CCDC91: variants seen among roughly 807,000 people sequenced by gnomAD.
CCDC91 encodes coiled-coil domain containing 91.
In CCDC91, 48 loss-of-function variants were observed where a neutral mutation model predicts 63.2. That is an observed-to-expected ratio of 0.76 (90% CI 0.60 to 0.97). The LOEUF (loss-of-function observed/expected upper bound fraction) is 0.97. Among genes scored for constraint, CCDC91 ranks in the 50% least tolerant of loss-of-function variants. The pLI, the probability that CCDC91 is intolerant of heterozygous loss-of-function variation, is 0.00. For synonymous variants in CCDC91, 167 were observed against 165.8 expected, an observed-to-expected ratio of 1.01 and a Z score of -0.06; for missense variants, 500 against 494.6, an observed-to-expected ratio of 1.01 and a Z score of -0.10.
intron 12 of CCDC91, among the ~76,000 whole-genome samples, chr12:28,493,671 A>C (rs1952129656): frequency 6.6e-6 from 1 of 151,770 alleles, no homozygotes; most frequent in Admixed American, 6.6e-5. Flanking sequence ...ATTTAAACCT[A>C]ACCTTCAAAA....
intron 11 of CCDC91, among the ~76,000 whole-genome samples, chr12:28,456,562 T>C (rs1950068294): frequency 6.6e-6 from 1 of 152,130 alleles, no homozygotes; most frequent in Admixed American, 6.6e-5. Context: ...TGATAGCGCT[T>C]ATATTTGACA....
intron 6 of CCDC91, among the ~76,000 whole-genome samples, chr12:28,355,296 G>T (rs1177054266): frequency 1.3e-5 from 2 of 152,166 alleles, no homozygotes; most frequent in African/African-American, 4.8e-5. Flanking sequence ...CATTGAAGTA[G>T]CAGTGGGAAC....
At chr12:28,474,191 C>T (rs541156884) in intron 11 of CCDC91, among the ~76,000 whole-genome samples, 246 of 152,216 alleles carry the variant, frequency 1.6e-3, no homozygotes, top group Middle Eastern at 6.8e-3. Context: ...AAATATCACA[C>T]TCCACTCTGC....
chr12:28,248,345 A>G (rs1264803480), intron 1 of CCDC91, among the ~76,000 whole-genome samples: 4 of 152,180 alleles, frequency 2.6e-5, no homozygotes, highest in African/African-American at 9.7e-5. Flanking sequence ...CAGGAAACAC[A>G]TCTAAATTAG....
At chr12:28,329,462 ATATAT>A (rs1203798253) in intron 6 of CCDC91, among the ~76,000 whole-genome samples, 2 of 152,022 alleles carry the variant, frequency 1.3e-5, no homozygotes, top group African/African-American at 4.8e-5. Context: ...ATATACCTAA[ATATAT>A]TATATTTAAT....
chr12:28,401,853 T>A (rs1000576577), intron 8 of CCDC91, among the ~76,000 whole-genome samples: 50 of 152,344 alleles, frequency 3.3e-4, no homozygotes, highest in Admixed American at 1.4e-3. Context: ...GTTTTGTATG[T>A]TTTCCTAGGT....
intron 6 of CCDC91, among the ~76,000 whole-genome samples, chr12:28,351,328 T>A (rs796816990): frequency 1.8e-4 from 27 of 152,190 alleles, no homozygotes; most frequent in African/African-American, 6.3e-4. Context: ...ATTGGAGAAA[T>A]AAAGGAATCA....
chr12:28,399,333 G>C (rs1432420629), intron 8 of CCDC91, among the ~76,000 whole-genome samples: 3 of 152,154 alleles, frequency 2.0e-5, no homozygotes, highest in African/African-American at 7.2e-5. Context: ...ACTATCATGA[G>C]AACAGCATGA....
At chr12:28,381,877 TCA>T (rs1945318096) in intron 7 of CCDC91, among the ~76,000 whole-genome samples, 1 of 152,132 alleles carries the variant, frequency 6.6e-6, no homozygotes, top group African/African-American at 2.4e-5. Flanking sequence ...TCTTCTCAAC[TCA>T]CAGTCAAGGT....
At chr12:28,348,569 C>T (rs1314533039) in intron 6 of CCDC91, among the ~76,000 whole-genome samples, 1 of 152,120 alleles carries the variant, frequency 6.6e-6, no homozygotes, top group Non-Finnish European at 1.5e-5. Flanking sequence ...CTACATGAAC[C>T]TTGAATTATT....
rs1181560652 is a variant in CCDC91, at chr12:28,267,845, T to C, written c.109+8403T>C. ...ATTATTAATATATAATTATATATAA[T>C]TATATAGTAATATATAATTATATAT... On this transcript the variant is annotated intron_variant, in intron 3 of 12. Coordinates refer to ENST00000536442, the MANE Select transcript of CCDC91 (RefSeq NM_018318.5). Among the ~76,000 whole-genome samples, 9 of 19,220 alleles carry C rather than the reference T, an allele frequency of 4.7e-4. 2 individuals carry two copies. The highest frequency in any genetic ancestry group is 1.1e-3 in the African/African-American group (8 of 7,066). 12.6% of individuals were successfully genotyped at this position (19,220 alleles called of 152,430 possible).
chr12:28,478,670 C>G (rs778907817), intron 11 of CCDC91, among the ~76,000 whole-genome samples: 15 of 152,238 alleles, frequency 9.9e-5, no homozygotes, highest in East Asian at 1.9e-4. Flanking sequence ...TCAGAGTGAA[C>G]AGGCAACCTA....
At chr12:28,479,609 A>G (rs113805250) in intron 11 of CCDC91, among the ~76,000 whole-genome samples, 5,244 of 152,230 alleles carry the variant, frequency 0.034, 143 homozygotes, top group South Asian at 0.12. Flanking sequence ...AACTTAAAGT[A>G]TAATAAAAAT....
intron 12 of CCDC91, 33 bp from the exon 13 acceptor site, chr12:28,549,030 C>A: frequency 7.3e-7 from 1 of 1,375,662 alleles, no homozygotes; most frequent in African/African-American, 1.5e-5. Context: ...ATTTTTTTTT[C>A]TCTTTCTCTC....
intron 1 of CCDC91, among the ~76,000 whole-genome samples, chr12:28,230,961 G>A (rs186817256): frequency 7.9e-5 from 12 of 152,244 alleles, no homozygotes; most frequent in Admixed American, 1.3e-4. Flanking sequence ...TTCAAGCTAG[G>A]TTAGCTTTTA....
chr12:28,314,043 G>A (rs774616395), intron 6 of CCDC91, among the ~76,000 whole-genome samples: 19 of 151,880 alleles, frequency 1.3e-4, no homozygotes, highest in African/African-American at 4.1e-4. Context: ...TTTGATAGTC[G>A]TCAGTATTGG....
intron 7 of CCDC91, among the ~76,000 whole-genome samples, chr12:28,369,037 C>G (rs1395824698): frequency 2.0e-5 from 3 of 152,160 alleles, no homozygotes; most frequent in Non-Finnish European, 2.9e-5. Context: ...TCATGTCATT[C>G]TGTCCCTGGC....
intron 6 of CCDC91, among the ~76,000 whole-genome samples, chr12:28,344,187 G>A (rs1380158115): frequency 6.6e-6 from 1 of 152,064 alleles, no homozygotes; most frequent in Non-Finnish European, 1.5e-5. Context: ...ATCCAATGTA[G>A]TCACTAGCAA....
chr12:28,311,106 G>A (rs919102645), intron 6 of CCDC91, among the ~76,000 whole-genome samples: 7 of 151,976 alleles, frequency 4.6e-5, no homozygotes, highest in Admixed American at 4.6e-4. Flanking sequence ...GTTAATGTCA[G>A]GTGCAAGTAA....
Sources: allele counts gnomAD v4.1 joint callset (sites outside exome capture counted in the v4.1 genomes callset), GRCh38; gene constraint gnomAD v4.1.1; transcripts MANE v1.5; gene names NCBI Gene and HGNC (gene_info 2026-07-23, HGNC 2026-07-21).